Variants in EFL1 observed in about 807,000 individuals in gnomAD.
EFL1 encodes elongation factor-like GTPase 1.
Under a neutral mutation model 126.7 loss-of-function variants are expected in EFL1, and 76 were observed. The ratio of observed to expected loss-of-function variants is 0.60; its 90% CI spans 0.50 to 0.73. EFL1 has a LOEUF of 0.73. EFL1 is among the 30% of genes least tolerant of loss of function. The pLI is 0.00. For synonymous variants in EFL1, 410 were observed against 448.4 expected (o/e 0.91, Z 1.08); for missense variants, 1,128 against 1,343.2 (o/e 0.84, Z 2.50).
chr15:82,157,590 T>A, intron 17 of EFL1, 123 bp downstream of exon 17: 1 of 1,165,536 alleles, frequency 8.6e-7, no homozygotes, highest in Non-Finnish European at 1.2e-6. Flanking sequence ...CATGTCTGAA[T>A]TGAGGGCATT....
At chr15:82,234,561 T>C (rs915303929) in intron 7 of EFL1, among the ~76,000 whole-genome samples, 9 of 152,060 alleles carry the variant, frequency 5.9e-5, no homozygotes, top group African/African-American at 9.7e-5. Flanking sequence ...GATATTATAT[T>C]ACACTGCCCT....
At chr15:82,199,159 A>G (rs1231710225) in intron 15 of EFL1, among the ~76,000 whole-genome samples, 1 of 152,152 alleles carries the variant, frequency 6.6e-6, no homozygotes, top group East Asian at 1.9e-4. Context: ...CCCAAGTCCA[A>G]AAACAGATAA....
intron 16 of EFL1, among the ~76,000 whole-genome samples, chr15:82,162,806 GCTT>G (rs2074037191): frequency 6.6e-6 from 1 of 152,198 alleles, no homozygotes; most frequent in Non-Finnish European, 1.5e-5. Context: ...AGTTCAGAAG[GCTT>G]AGCTCCAGGG....
intron 15 of EFL1, among the ~76,000 whole-genome samples, chr15:82,191,857 T>C (rs1382665188): frequency 6.6e-6 from 1 of 152,202 alleles, no homozygotes; most frequent in East Asian, 1.9e-4. Flanking sequence ...TATTTGCGAC[T>C]GAGTTAAAAT....
chr15:82,147,370 C>T (rs1376825914), intron 18 of EFL1, among the ~76,000 whole-genome samples: 1 of 152,094 alleles, frequency 6.6e-6, no homozygotes, highest in East Asian at 1.9e-4. Context: ...TGACTCACGC[C>T]TGTAATCCCA....
chr15:82,161,121 T>C (rs2074019526), intron 16 of EFL1, among the ~76,000 whole-genome samples: 1 of 152,080 alleles, frequency 6.6e-6, no homozygotes. Flanking sequence ...ATGCTCACGA[T>C]TTGCTTCTCC....
At chr15:82,180,373 C>A (rs200750752) in intron 15 of EFL1, among the ~76,000 whole-genome samples, 4,671 of 93,188 alleles carry the variant, frequency 0.05, 113 homozygotes, top group African/African-American at 0.093. Context: ...AAAAAAAAAA[C>A]AAAAAAAAAA....
At position 82,151,943 on chromosome 15, in the gene EFL1, G is replaced by T. The variant is rs771417466; in HGVS notation, c.2511C>A (p.Val837=). ...AGTTCTGAAAATCTTCACTTTTATT[G>T]ACTAGTATGTTGGGCCCACATTTTC... ...GPRKCGPNIL[V]NKSEDFQNSV... The change falls in exon 18 of 20, where the codon GTC becomes GTA. Residue 837 remains valine, a synonymous_variant. Coordinates refer to ENST00000268206, the MANE Select transcript of EFL1 (RefSeq NM_024580.6). 6.2e-7 allele frequency: 1 copy of T among 1,614,010 alleles called. No homozygotes were observed. The highest frequency in any genetic ancestry group is 8.5e-7 in the Non-Finnish European group (1 of 1,179,994).
chr15:82,233,202 G>A (rs535282699), intron 7 of EFL1, among the ~76,000 whole-genome samples: 3 of 151,982 alleles, frequency 2.0e-5, no homozygotes, highest in East Asian at 3.9e-4. Context: ...TTTTTATCCC[G>A]TAGTTACTAC....
rs55994913 is a variant in EFL1, at chr15:82,237,531, C to G, written c.731+776G>C. Among the ~76,000 whole-genome samples the G allele has an allele frequency of 6.9e-3, 1,047 of 152,280 alleles. 9 individuals carry two copies. Among genetic ancestry groups the G allele is most frequent in the Non-Finnish European group, 8.1e-3 (554 of 68,022 alleles). ...CACCAAACGTGAACATTTGGAGAAA[C>G]TGGATCACTCACGCATGCACTGCTG... On this transcript the variant is annotated intron_variant, in intron 7 of 19. Coordinates refer to ENST00000268206, the MANE Select transcript of EFL1 (RefSeq NM_024580.6).
intron 18 of EFL1, among the ~76,000 whole-genome samples, chr15:82,146,628 G>C (rs1489010517): frequency 7.5e-6 from 1 of 132,652 alleles, no homozygotes; most frequent in Non-Finnish European, 1.7e-5. Flanking sequence ...AAAAAAAAAA[G>C]CCAGACTGAC....
At chr15:82,205,247 ATC>A (rs1480193938) in intron 15 of EFL1, among the ~76,000 whole-genome samples, 1 of 152,176 alleles carries the variant, frequency 6.6e-6, no homozygotes, top group Non-Finnish European at 1.5e-5. Context: ...TGGACTACCC[ATC>A]TCCACTTCTT....
chr15:82,146,608 G>A (rs574744822), intron 18 of EFL1, among the ~76,000 whole-genome samples: 8 of 63,282 alleles, frequency 1.3e-4, no homozygotes, highest in Admixed American at 8.0e-4. Context: ...AAATCAATTC[G>A]AGAAAAAAAA....
intron 18 of EFL1, among the ~76,000 whole-genome samples, chr15:82,140,044 T>C (rs2073768738): frequency 1.3e-5 from 2 of 152,110 alleles, no homozygotes; most frequent in South Asian, 4.1e-4. Flanking sequence ...TCACAACGCC[T>C]CAAGGAAAAA....
intron 3 of EFL1, among the ~76,000 whole-genome samples, chr15:82,253,219 T>C (rs1264949901): frequency 6.6e-6 from 1 of 152,162 alleles, no homozygotes; most frequent in Non-Finnish European, 1.5e-5. Flanking sequence ...TTTGTATTTT[T>C]AGTAGAGACA....
chr15:82,213,699 A>G (rs1157151748), intron 15 of EFL1, among the ~76,000 whole-genome samples: 3 of 152,206 alleles, frequency 2.0e-5, no homozygotes, highest in Non-Finnish European at 4.4e-5. Flanking sequence ...TTATGAACAA[A>G]AGTAGGGTGT....
chr15:82,257,417 C>T (rs2075075890), intron 3 of EFL1, among the ~76,000 whole-genome samples: 1 of 152,016 alleles, frequency 6.6e-6, no homozygotes, highest in South Asian at 2.1e-4. Context: ...TTTATATATA[C>T]TATGCTTTCT....
intron 7 of EFL1, chr15:82,233,736 C>T (rs1351713185): frequency 6.6e-5 from 10 of 152,130 alleles, no homozygotes; most frequent in African/African-American, 1.7e-4. Context: ...GGATAGATTT[C>T]GGGAGAAGAC....
intron 15 of EFL1, among the ~76,000 whole-genome samples, chr15:82,172,320 T>C (rs1053809204): frequency 4.6e-5 from 7 of 152,234 alleles, no homozygotes; most frequent in African/African-American, 1.7e-4. Context: ...TGATTTCTAG[T>C]TGTATATCCC....
Sources: gnomAD v4.1 joint callset for allele counts (sites outside exome capture counted in the v4.1 genomes callset) on GRCh38, gnomAD v4.1.1 for gene constraint, MANE v1.5 for transcripts, NCBI Gene and HGNC (gene_info 2026-07-23, HGNC 2026-07-21) for gene names.